ELOVL6: variants seen among roughly 807,000 people sequenced by gnomAD.
ELOVL6 encodes ELOVL fatty acid elongase 6.
ELOVL6 carries 8 observed loss-of-function variants against 31.7 expected under a neutral mutation model. The ratio of observed to expected loss-of-function variants is 0.25; its 90% CI spans 0.15 to 0.45. The LOEUF is 0.45. ELOVL6 is among the 20% of genes least tolerant of loss of function. The pLI is 1.00. For synonymous variants in ELOVL6, 101 were observed against 117.7 expected (o/e 0.86, Z 0.92); for missense variants, 126 against 326.4 (o/e 0.39, Z 4.73).
chr4:110,062,542 G>A (rs1420648258), intron 2 of ELOVL6, among the ~76,000 whole-genome samples: 1 of 152,212 alleles, frequency 6.6e-6, no homozygotes, highest in Non-Finnish European at 1.5e-5. Context: ...TCACAACAGT[G>A]TCACATCGTG....
chr4:110,079,003 A>G (rs1255305035), intron 2 of ELOVL6, among the ~76,000 whole-genome samples: 2 of 152,224 alleles, frequency 1.3e-5, no homozygotes, highest in African/African-American at 2.4e-5. Context: ...AGGCCATTAC[A>G]TAATGGTAAA....
rs553233350 is a variant in ELOVL6 at position 110,098,405 on chromosome 4, T to C, written c.221+7092A>G. ...CTTTTAACAAACCAAATGTCATTAATTGCATTCAACTTTGCTTTTTTATAG... is the reference window on the plus strand; with the variant it reads ...CTTTTAACAAACCAAATGTCATTAACTGCATTCAACTTTGCTTTTTTATAG... On this transcript the variant is annotated intron_variant, in intron 2 of 3. Coordinates refer to ENST00000302274, the MANE Select transcript of ELOVL6 (RefSeq NM_024090.3). Among the ~76,000 whole-genome samples, 3 of 152,284 alleles carry C rather than the reference T, an allele frequency of 2.0e-5. No individual in the cohort carries two copies. The East Asian group carries it at 5.8e-4, about 29-fold the overall frequency.
At chr4:110,171,087 C>T (rs1392252004) in intron 1 of ELOVL6, among the ~76,000 whole-genome samples, 1 of 152,172 alleles carries the variant, frequency 6.6e-6, no homozygotes, top group Admixed American at 6.6e-5. Flanking sequence ...AACAGACAGG[C>T]CTTGCTGGGT....
rs1313717146 is a variant in ELOVL6 at position 110,141,996 on chromosome 4, C to A, written c.90-36368G>T. On this transcript the variant is annotated intron_variant, in intron 1 of 3. Transcript: ENST00000302274. ...TCTTCTACCTTCAGCTCTGCTCTAC[C>A]AAATATCATTTGTTTCTGGGATCTT... 2.0e-5 allele frequency among the ~76,000 whole-genome samples: 3 copies of A among 150,164 alleles called. No individual in the cohort carries two copies. In the East Asian group the frequency reaches 5.8e-4, roughly 29 times the overall value.
chr4:110,058,949 A>C (rs1755067083), intron 3 of ELOVL6, among the ~76,000 whole-genome samples: 1 of 151,908 alleles, frequency 6.6e-6, no homozygotes, highest in African/African-American at 2.4e-5. Flanking sequence ...GCCCACATTA[A>C]CTCCTTGACT....
upstream of ELOVL6, chr4:110,199,175 G>A (rs1410912827): frequency 6.6e-6 from 1 of 152,210 alleles, no homozygotes; most frequent in Non-Finnish European, 1.5e-5. Context: ...GTGGATAGGC[G>A]AGAGAGGCTA....
chr4:110,088,900 G>A (rs1756343274), intron 2 of ELOVL6, among the ~76,000 whole-genome samples: 1 of 152,044 alleles, frequency 6.6e-6, no homozygotes, highest in African/African-American at 2.4e-5. Flanking sequence ...TGTATAAATT[G>A]TTTGTTTCTG....
chr4:110,117,697 C>A (rs1034114214), intron 1 of ELOVL6: 1 of 149,592 alleles, frequency 6.7e-6, no homozygotes. Flanking sequence ...TCCTGGCTAA[C>A]AAGGTGAAAC....
chr4:110,190,807 T>C (rs958014445), intron 1 of ELOVL6, among the ~76,000 whole-genome samples: 1 of 136,316 alleles, frequency 7.3e-6, no homozygotes, highest in Non-Finnish European at 1.6e-5. Flanking sequence ...GCCCGGCCAC[T>C]TTTTTTTTTT....
At chr4:110,147,278 TA>T (rs34418243) in intron 1 of ELOVL6, 21,269 of 129,404 alleles carry the variant, frequency 0.16, 2,596 homozygotes, top group African/African-American at 0.37. Context: ...CAATTAAAAG[TA>T]AAAAAAAAAA....
intron 2 of ELOVL6, chr4:110,093,134 C>T (rs1756471745): frequency 4.4e-6 from 2 of 451,656 alleles, no homozygotes; most frequent in African/African-American, 4.0e-5. Flanking sequence ...TGTTATAGCA[C>T]CTGTAATGCA....
chr4:110,172,271 T>G (rs923710622), intron 1 of ELOVL6, among the ~76,000 whole-genome samples: 13 of 152,120 alleles, frequency 8.5e-5, no homozygotes, highest in Admixed American at 6.6e-5. Flanking sequence ...ACTGCTTGCT[T>G]GGGTAGTGGT....
At chr4:110,178,792 G>A (rs1401285786) in intron 1 of ELOVL6, among the ~76,000 whole-genome samples, 2 of 152,126 alleles carry the variant, frequency 1.3e-5, no homozygotes, top group Non-Finnish European at 2.9e-5. Context: ...GACTGAGGCT[G>A]CAGCAGCCTC....
At chr4:110,080,017 T>C (rs1755782718) in intron 2 of ELOVL6, among the ~76,000 whole-genome samples, 1 of 152,100 alleles carries the variant, frequency 6.6e-6, no homozygotes, top group African/African-American at 2.4e-5. Flanking sequence ...CCTCGACACA[T>C]ACACCCTCCC....
intron 1 of ELOVL6, among the ~76,000 whole-genome samples, chr4:110,196,370 CG>C (rs2126284119): frequency 6.6e-6 from 1 of 152,266 alleles, no homozygotes; most frequent in South Asian, 2.1e-4. Context: ...GGAGAAGACC[CG>C]GGCCCGGGGC....
At chr4:110,118,468 A>T (rs766779545) in intron 1 of ELOVL6, among the ~76,000 whole-genome samples, 1 of 152,178 alleles carries the variant, frequency 6.6e-6, no homozygotes, top group Non-Finnish European at 1.5e-5. Context: ...CTGTTTCTAC[A>T]TTTTCAACTT....
chr4:110,084,106 T>TAAG lies in ELOVL6; in HGVS notation c.221+21390_221+21391insCTT, dbSNP rs1299774660. ...TATGATATATAACATATATATGATA[T>TAAG]ATATGATATATATAACATATATGTG... On this transcript the variant is annotated intron_variant, in intron 2 of 3. Coordinates refer to ENST00000302274, the MANE Select transcript of ELOVL6 (RefSeq NM_024090.3). Among the ~76,000 whole-genome samples the TAAG allele has an allele frequency of 2.6e-5, 3 of 116,176 alleles. 1 individual carries two copies. The highest frequency in any genetic ancestry group is 3.3e-5 in the Non-Finnish European group (2 of 60,280). 76.2% of individuals were successfully genotyped at this position (116,176 alleles called of 152,430 possible).
intron 2 of ELOVL6, among the ~76,000 whole-genome samples, chr4:110,065,099 T>C (rs1239548782): frequency 3.9e-5 from 6 of 152,136 alleles, no homozygotes; most frequent in African/African-American, 1.2e-4. Flanking sequence ...AAAATAAATA[T>C]ATATGTATAA....
Position 110,050,252 on chromosome 4 carries a change from G to A in ELOVL6, c.*1086C>T, listed in dbSNP as rs759739250. ...TCCTTTTGGAATTCACAAAAATATCGAAAATATGCGCTATACTGTGGGGTT... is the reference window on the plus strand; with the variant it reads ...TCCTTTTGGAATTCACAAAAATATCAAAAATATGCGCTATACTGTGGGGTT... On this transcript the variant is annotated 3_prime_UTR_variant, in exon 4 of 4. Coordinates refer to ENST00000302274, the MANE Select transcript of ELOVL6 (RefSeq NM_024090.3). The A allele has an allele frequency of 7.9e-5, 12 of 152,504 alleles. No homozygotes were observed. Among genetic ancestry groups the A allele is most frequent in the Non-Finnish European group, 1.8e-4 (12 of 68,038 alleles). The allele number at this position is 152,504 out of a possible 1,614,324, so 9.4% of individuals were successfully genotyped here.
Sources: gnomAD v4.1 joint callset for allele counts (sites outside exome capture counted in the v4.1 genomes callset) on GRCh38, gnomAD v4.1.1 for gene constraint, MANE v1.5 for transcripts, NCBI Gene and HGNC (gene_info 2026-07-23, HGNC 2026-07-21) for gene names.